WDR20: variants seen among roughly 807,000 people sequenced by gnomAD.
WDR20 encodes the protein WD repeat-containing protein 20.
In WDR20, 3 loss-of-function variants were observed where a neutral mutation model predicts 38.7. The observed-to-expected ratio is 0.08, with a 90% CI of 0.04 to 0.20. The LOEUF (loss-of-function observed/expected upper bound fraction) is 0.20. Among genes scored for constraint, WDR20 ranks in the 10% least tolerant of loss-of-function variants. WDR20 has a pLI of 1.00. For missense variants in WDR20, 559 were observed against 727.7 expected (o/e 0.77, Z 2.67); for synonymous variants, 298 against 285.6 (o/e 1.04, Z -0.44).
At chr14:102,143,118 CAG>C (rs2052081997) in intron 1 of WDR20, among the ~76,000 whole-genome samples, 1 of 151,956 alleles carries the variant, frequency 6.6e-6, no homozygotes, top group Admixed American at 6.6e-5. Flanking sequence ...GAACCAAGGC[CAG>C]AGAGGGGATG....
At chr14:102,140,279 AC>A in intron 1 of WDR20, 107 bp downstream of exon 1, 1 of 1,509,006 alleles carries the variant, frequency 6.6e-7, no homozygotes, top group Non-Finnish European at 8.9e-7. Flanking sequence ...CGTCGCTCTT[AC>A]TTTTGAGTGG....
At chr14:102,161,372 G>C (rs895620495) in intron 1 of WDR20, among the ~76,000 whole-genome samples, 2 of 149,062 alleles carry the variant, frequency 1.3e-5, no homozygotes, top group Non-Finnish European at 3.0e-5. Flanking sequence ...GGAGTGCAGC[G>C]GTGCGATCAT....
downstream of WDR20, chr14:102,212,721 C>G: frequency 6.8e-7 from 1 of 1,475,990 alleles, no homozygotes; most frequent in South Asian, 1.3e-5. Flanking sequence ...TTCCTGATAT[C>G]AGGTGTGTAA....
chr14:102,208,560 A>C lies in WDR20; in HGVS notation c.433-43A>C, dbSNP rs778211252. 6.5e-6 allele frequency: 10 copies of C among 1,541,394 alleles called. No homozygotes were observed. In the South Asian group the frequency reaches 1.3e-4, roughly 20 times the overall value. ...TTCTTGCTGGAAAAGTAGACCTTTG[A>C]GACTTCTCCGTTGTGCTAACTTGTT... On this transcript the variant is annotated intron_variant, in intron 2 of 2. Transcript: ENST00000342702. The surrounding 1 kb of genome is among the most constrained non-coding windows in gnomAD (Gnocchi z 5.6).
intron 1 of WDR20, among the ~76,000 whole-genome samples, chr14:102,157,750 G>C (rs1348716425): frequency 6.6e-6 from 1 of 152,118 alleles, no homozygotes; most frequent in Non-Finnish European, 1.5e-5. Flanking sequence ...GGCAGCTGCT[G>C]GCTCCTTCTG....
chr14:102,200,464 TTTTTGTGTGTGTGTGTG>T (rs1567023236), intron 2 of WDR20, among the ~76,000 whole-genome samples: 1 of 93,208 alleles, frequency 1.1e-5, no homozygotes, highest in Non-Finnish European at 2.3e-5. Flanking sequence ...TAAATTTTTT[TTTTTGTGTGTGTGTGTG>T]TGTGTGTGTG....
chr14:102,192,727 C>A (rs1043784717), intron 1 of WDR20, among the ~76,000 whole-genome samples: 2 of 152,046 alleles, frequency 1.3e-5, no homozygotes, highest in Non-Finnish European at 2.9e-5. Flanking sequence ...AGGCTATTTT[C>A]TCTGTTAATT....
intron 1 of WDR20, among the ~76,000 whole-genome samples, chr14:102,186,823 G>A (rs1198015962): frequency 1.3e-5 from 2 of 151,978 alleles, no homozygotes; most frequent in Non-Finnish European, 2.9e-5. Flanking sequence ...GGTGGGGGGC[G>A]CCTGTAGTCC....
chr14:102,148,065 C>T (rs756077983), intron 1 of WDR20, among the ~76,000 whole-genome samples: 14 of 152,096 alleles, frequency 9.2e-5, no homozygotes, highest in Non-Finnish European at 1.6e-4. Context: ...AGATTTTTGT[C>T]GTCTGGAATT....
At chr14:102,153,301 CTCTT>C (rs1316175252) in intron 1 of WDR20, among the ~76,000 whole-genome samples, 3 of 129,226 alleles carry the variant, frequency 2.3e-5, no homozygotes, top group African/African-American at 8.2e-5. Flanking sequence ...CCAGTGAAAC[CTCTT>C]TCTTTTTTTT....
intron 1 of WDR20, among the ~76,000 whole-genome samples, chr14:102,142,349 T>A (rs1322478550): frequency 6.6e-6 from 1 of 152,236 alleles, no homozygotes; most frequent in Non-Finnish European, 1.5e-5. Flanking sequence ...GACTATTTTC[T>A]GATTTAAAAT....
chr14:102,139,922 A>G lies in WDR20; in HGVS notation c.-2A>G. On this transcript the variant is annotated 5_prime_UTR_variant, in exon 1 of 3. Transcript: ENST00000342702. Reference sequence around the variant, plus strand: ...AGGGCAGGATGAACGCTGCTTTCCAAGATGGCGACGGAGGGAGGAGGGAAG... The same window carrying G: ...AGGGCAGGATGAACGCTGCTTTCCAGGATGGCGACGGAGGGAGGAGGGAAG... 6.2e-7 allele frequency: 1 copy of G among 1,612,122 alleles called. No homozygotes were observed. The highest frequency in any genetic ancestry group is 8.5e-7 in the Non-Finnish European group (1 of 1,178,228).
intron 1 of WDR20, among the ~76,000 whole-genome samples, chr14:102,152,004 C>A (rs1458645884): frequency 2.0e-5 from 3 of 152,072 alleles, no homozygotes; most frequent in African/African-American, 7.2e-5. Flanking sequence ...TCACTGCAAC[C>A]TCCGCTTCCT....
intron 1 of WDR20, among the ~76,000 whole-genome samples, chr14:102,159,534 C>A (rs924439464): frequency 6.6e-6 from 1 of 152,156 alleles, no homozygotes. Context: ...TGTTTCACCG[C>A]CTCTTAAAAC....
rs879351533 is a variant in WDR20 at position 102,208,361 on chromosome 14, C to G, written c.433-242C>G. On this transcript the variant is annotated intron_variant, in intron 2 of 2. Coordinates refer to ENST00000342702, the MANE Select transcript of WDR20 (RefSeq NM_144574.4). This position sits in a 1 kb window ranked among gnomAD's most constrained non-coding sequence, Gnocchi z 5.6. ...CACTTAGTGGCCCCTCTGCAAATATCTGTTGGCTGCCTGACTCCCTCCGTG... is the reference window on the plus strand; with the variant it reads ...CACTTAGTGGCCCCTCTGCAAATATGTGTTGGCTGCCTGACTCCCTCCGTG... Among the ~76,000 whole-genome samples, 3 of 152,204 alleles carry G rather than the reference C, an allele frequency of 2.0e-5. No individual in the cohort carries two copies. The highest frequency in any genetic ancestry group is 1.3e-4 in the Admixed American group (2 of 15,286).
Position 102,209,178 on chromosome 14 carries a change from CCTT to C in WDR20, c.1013_1015del (p.Leu338del), listed in dbSNP as rs777848654. 19 of 1,614,148 alleles carry C rather than the reference CCTT, an allele frequency of 1.2e-5. No homozygotes were observed. The East Asian group carries it at 2.0e-4, about 17-fold the overall frequency. ...GTGGCAGCGATGAGGACTTCCAAGA[CCTT>C]CTTCATTTTGGCAGAGATCGAGCAA... On this transcript the variant is annotated inframe_deletion, in exon 3 of 3. Transcript: ENST00000342702. The surrounding 1 kb of genome is among the most constrained non-coding windows in gnomAD (Gnocchi z 6.0).
rs768549219 is a variant in WDR20 at position 102,209,102 on chromosome 14, C to T, written c.932C>T (p.Ala311Val). 6.2e-6 allele frequency: 10 copies of T among 1,614,108 alleles called. No homozygotes were observed. The Admixed American group carries it at 6.7e-5, about 11-fold the overall frequency. ...CACAAGTCCTGGGTCAGTGTTGTAG[C>T]GTTTGACCCTTATACCACTAGTGTA... Reference protein sequence around the residue: ...HGHKSWVSVVAFDPYTTSVEE... With the variant: ...HGHKSWVSVVVFDPYTTSVEE... The change falls in exon 3 of 3, where the codon GCG (alanine) becomes GTG (valine). Residue 311 changes from alanine (A) to valine (V), a missense_variant. By Grantham distance (64) the Ala-to-Val change is moderately conservative. Transcript: ENST00000342702. This position sits in a 1 kb window ranked among gnomAD's most constrained non-coding sequence, Gnocchi z 6.0.
intron 1 of WDR20, among the ~76,000 whole-genome samples, chr14:102,158,314 T>G (rs929904383): frequency 1.3e-5 from 2 of 152,084 alleles, no homozygotes; most frequent in African/African-American, 2.4e-5. Context: ...TTTTTTTTTT[T>G]AAGATGGAGT....
chr14:102,185,152 G>T (rs1360825614), intron 1 of WDR20, among the ~76,000 whole-genome samples: 2 of 152,130 alleles, frequency 1.3e-5, no homozygotes, highest in African/African-American at 4.8e-5. Context: ...CCTTATGTCT[G>T]TTTCTTTGAA....
Sources: allele counts gnomAD v4.1 joint callset (sites outside exome capture counted in the v4.1 genomes callset), GRCh38; gene constraint gnomAD v4.1.1; non-coding constraint Gnocchi (gnomAD v3.1); transcripts MANE v1.5; gene names NCBI Gene and HGNC (gene_info 2026-07-23, HGNC 2026-07-21).